Variants in TTC6 observed in about 807,000 individuals in gnomAD.
TTC6 encodes the protein tetratricopeptide repeat protein 6.
In TTC6, 172 loss-of-function variants were observed where a neutral mutation model predicts 210.4. The ratio of observed to expected loss-of-function variants is 0.82; its 90% CI spans 0.72 to 0.93. The LOEUF (loss-of-function observed/expected upper bound fraction) is 0.93, where lower values mean the gene tolerates loss of function less well. Among genes scored for constraint, TTC6 ranks in the 40% least tolerant of loss-of-function variants. TTC6 has a pLI of 0.00. For synonymous variants in TTC6, 804 were observed against 819.6 expected, an observed-to-expected ratio of 0.98 and a Z score of 0.32; for missense variants, 2,414 against 2,318.1, an observed-to-expected ratio of 1.04 and a Z score of -0.85.
intron 6 of TTC6, among the ~76,000 whole-genome samples, chr14:37,720,741 T>G (rs894484426): frequency 6.6e-6 from 1 of 152,176 alleles, no homozygotes; most frequent in African/African-American, 2.4e-5. Context: ...TCTAAAAGAT[T>G]ACATACTGTG....
At chr14:37,794,388 A>G (rs909079889) in intron 17 of TTC6, among the ~76,000 whole-genome samples, 13 of 152,006 alleles carry the variant, frequency 8.6e-5, no homozygotes, top group African/African-American at 2.2e-4. Context: ...AGTTTTGTAC[A>G]TTTGCTTCTT....
At chr14:37,610,031 A>G (rs564899264) in intron 2 of TTC6, among the ~76,000 whole-genome samples, 1 of 152,310 alleles carries the variant, frequency 6.6e-6, no homozygotes, top group African/African-American at 2.4e-5. Context: ...AGGGAGTGAA[A>G]TAACAGACCT....
At chr14:37,745,318 A>T (rs1028821340) in intron 10 of TTC6, among the ~76,000 whole-genome samples, 1 of 152,196 alleles carries the variant, frequency 6.6e-6, no homozygotes, top group Non-Finnish European at 1.5e-5. Context: ...TTTGTTTTAC[A>T]CTGGTGAAAC....
intron 29 of TTC6, among the ~76,000 whole-genome samples, chr14:37,838,825 C>T (rs986378127): frequency 6.6e-6 from 1 of 152,042 alleles, no homozygotes; most frequent in Non-Finnish European, 1.5e-5. Flanking sequence ...ACTGACAGGC[C>T]CTGGTGTGTG....
chr14:37,808,873 G>A, intron 24 of TTC6, 27 bp downstream of exon 26: 1 of 1,091,612 alleles, frequency 9.2e-7, no homozygotes, highest in South Asian at 1.4e-5. Context: ...AGTAAACAAT[G>A]TGTTTAAAGT....
chr14:37,678,841 A>T (rs986795216), intron 1 of TTC6, among the ~76,000 whole-genome samples: 3 of 152,192 alleles, frequency 2.0e-5, no homozygotes, highest in Non-Finnish European at 4.4e-5. Context: ...AATAAAAAGT[A>T]GAAAAATAAG....
In TTC6 at chr14:37,777,816, T is replaced by C. The variant is rs147694593; in HGVS notation, c.3267-9652T>C. On this transcript the variant is annotated intron_variant, in intron 14 of 30. Transcript: ENST00000553443. ...ATGCTTTTATCTTCTTTGAAGTTTT[T>C]GGGGGTTTGATTGTGGTATAAGGTG... 5.0e-3 allele frequency among the ~76,000 whole-genome samples: 752 copies of C among 149,688 alleles called. 7 individuals are homozygous for C. Among genetic ancestry groups the C allele is most frequent in the African/African-American group, 0.018 (711 of 40,610 alleles).
intron 25 of TTC6, among the ~76,000 whole-genome samples, chr14:37,816,101 T>G (rs567994926): frequency 9.2e-5 from 14 of 151,736 alleles, no homozygotes; most frequent in Non-Finnish European, 1.8e-4. Flanking sequence ...AGCATTTTAT[T>G]AGATTATATT....
intron 7 of TTC6, among the ~76,000 whole-genome samples, 152 bp downstream of exon 9, chr14:37,725,154 G>A (rs1026504646): frequency 3.3e-5 from 5 of 149,716 alleles, no homozygotes; most frequent in African/African-American, 1.2e-4. Flanking sequence ...CACTACAGAA[G>A]TTATTTATAT....
chr14:37,645,848 C>T (rs927325110), intron 1 of TTC6, among the ~76,000 whole-genome samples: 2 of 152,170 alleles, frequency 1.3e-5, no homozygotes, highest in Non-Finnish European at 2.9e-5. Context: ...ACTTTTCTTG[C>T]TGGGTATATT....
intron 3 of TTC6, among the ~76,000 whole-genome samples, chr14:37,695,431 C>T (rs1226193626): frequency 6.6e-6 from 1 of 152,038 alleles, no homozygotes; most frequent in Admixed American, 6.6e-5. Context: ...CTTGGCTCAC[C>T]GCAACCTATG....
chr14:37,600,909 T>C (rs1468247939), intron 1 of TTC6, among the ~76,000 whole-genome samples: 1 of 152,218 alleles, frequency 6.6e-6, no homozygotes, highest in Non-Finnish European at 1.5e-5. Flanking sequence ...ATTTTCCTTG[T>C]TCTATGGACC....
chr14:37,781,847 C>T (rs1192088163), intron 14 of TTC6, among the ~76,000 whole-genome samples: 1 of 152,172 alleles, frequency 6.6e-6, no homozygotes, highest in Non-Finnish European at 1.5e-5. Flanking sequence ...CTACATATGG[C>T]TAGCCAGTTT....
At chr14:37,839,542 A>G (rs918985018) in intron 29 of TTC6, among the ~76,000 whole-genome samples, 2 of 152,130 alleles carry the variant, frequency 1.3e-5, no homozygotes, top group African/African-American at 4.8e-5. Flanking sequence ...GATTCTGGAT[A>G]TTAGCCGTTT....
intron 1 of TTC6, among the ~76,000 whole-genome samples, chr14:37,631,075 C>T (rs1464610560): frequency 6.6e-6 from 1 of 151,484 alleles, no homozygotes; most frequent in Non-Finnish European, 1.5e-5. Flanking sequence ...CTTTGTCAGT[C>T]TGTGTCTTTT....
At chr14:37,628,642 T>G (rs1041716250) in intron 1 of TTC6, among the ~76,000 whole-genome samples, 1 of 152,254 alleles carries the variant, frequency 6.6e-6, no homozygotes, top group Non-Finnish European at 1.5e-5. Context: ...TGGCTTTTGT[T>G]GCCATTGCTT....
chr14:37,824,892 G>A (rs1359921932), intron 27 of TTC6, among the ~76,000 whole-genome samples: 1 of 152,132 alleles, frequency 6.6e-6, no homozygotes, highest in Non-Finnish European at 1.5e-5. Context: ...AGGGAGCAGG[G>A]CATGAGATGA....
intron 1 of TTC6, among the ~76,000 whole-genome samples, chr14:37,624,912 C>T (rs573333930): frequency 1.6e-4 from 25 of 152,174 alleles, no homozygotes; most frequent in African/African-American, 3.6e-4. Flanking sequence ...TGAGCCACTG[C>T]GCCCGGCCCC....
intron 10 of TTC6, 94 bp from the exon 13 acceptor site, chr14:37,748,842 TAAC>T: frequency 2.1e-6 from 2 of 956,432 alleles, no homozygotes; most frequent in South Asian, 4.2e-5. Context: ...TTTGTTTTGA[TAAC>T]AAATAGTAGT....
Sources: allele counts gnomAD v4.1 joint callset (sites outside exome capture counted in the v4.1 genomes callset), GRCh38; gene constraint gnomAD v4.1.1; transcripts MANE v1.5; gene names NCBI Gene and HGNC (gene_info 2026-07-23, HGNC 2026-07-21).